Variants in ZNF385D observed in about 807,000 individuals in gnomAD.
The protein encoded by ZNF385D is zinc finger protein 385D.
A neutral mutation model predicts 35.8 loss-of-function variants in ZNF385D; 15 were observed. That is an observed-to-expected ratio of 0.42 (90% CI 0.28 to 0.64). The LOEUF is 0.64. Ranked by LOEUF, ZNF385D falls within the 30% of genes least tolerant of loss-of-function variation. The probability of loss-of-function intolerance (pLI) is 0.23; values close to 1 mark genes in which losing one functional copy is unlikely to be tolerated. For synonymous variants in ZNF385D, 212 were observed against 186.8 expected (o/e 1.13, Z -1.10); for missense variants, 474 against 494.6 (o/e 0.96, Z 0.39).
At chr3:21,764,528 A>T (rs2070747796) in intron 3 of ZNF385D, among the ~76,000 whole-genome samples, 1 of 152,190 alleles carries the variant, frequency 6.6e-6, no homozygotes. Context: ...TGCTGTCTAC[A>T]TGCCAGCCAA....
chr3:21,917,562 G>C (rs966082634), intron 3 of ZNF385D, among the ~76,000 whole-genome samples: 2 of 152,190 alleles, frequency 1.3e-5, no homozygotes, highest in Non-Finnish European at 2.9e-5. Flanking sequence ...GACATGAAAA[G>C]ATTGTTCTTT....
intron 3 of ZNF385D, among the ~76,000 whole-genome samples, chr3:21,820,987 A>T (rs929045750): frequency 6.6e-6 from 1 of 152,074 alleles, no homozygotes; most frequent in African/African-American, 2.4e-5. Context: ...GATTAAAAAA[A>T]TTAAAACCCT....
chr3:21,876,151 G>A (rs951970131), intron 3 of ZNF385D, among the ~76,000 whole-genome samples: 2 of 151,234 alleles, frequency 1.3e-5, no homozygotes, highest in Admixed American at 6.6e-5. Flanking sequence ...TCTTGTAAGT[G>A]TAAAGCAAGC....
intron 3 of ZNF385D, among the ~76,000 whole-genome samples, chr3:21,899,078 C>T (rs561517307): frequency 3.9e-5 from 6 of 152,136 alleles, no homozygotes; most frequent in Non-Finnish European, 7.4e-5. Context: ...TTTATTATTC[C>T]CCAGTTGGAC....
intron 2 of ZNF385D, among the ~76,000 whole-genome samples, chr3:22,271,526 C>T (rs894503829): frequency 4.6e-5 from 7 of 151,898 alleles, no homozygotes; most frequent in Non-Finnish European, 1.0e-4. Context: ...CCCATTTAAT[C>T]GGGCCTCAGC....
At chr3:22,078,078 C>T (rs961105362) in intron 3 of ZNF385D, among the ~76,000 whole-genome samples, 1 of 151,956 alleles carries the variant, frequency 6.6e-6, no homozygotes, top group Non-Finnish European at 1.5e-5. Flanking sequence ...TTGTGAGTAC[C>T]ATTTTAGTTT....
intron 3 of ZNF385D, among the ~76,000 whole-genome samples, chr3:22,015,392 A>C (rs1338881277): frequency 6.6e-6 from 1 of 152,148 alleles, no homozygotes; most frequent in East Asian, 1.9e-4. Flanking sequence ...CACCTAAGTC[A>C]ACTTGAAAGA....
chr3:22,187,273 A>G (rs193274759), intron 2 of ZNF385D, among the ~76,000 whole-genome samples: 1 of 152,212 alleles, frequency 6.6e-6, no homozygotes, highest in Admixed American at 6.6e-5. Context: ...ATCGAAGTCT[A>G]TTAAAATAAG....
At chr3:22,339,355 A>G (rs1051890143) in intron 2 of ZNF385D, among the ~76,000 whole-genome samples, 1 of 152,192 alleles carries the variant, frequency 6.6e-6, no homozygotes, top group African/African-American at 2.4e-5. Context: ...TTTGTGAACA[A>G]GGAAGGCCTG....
chr3:22,205,972 T>C (rs1697123639), intron 2 of ZNF385D, among the ~76,000 whole-genome samples: 1 of 151,866 alleles, frequency 6.6e-6, no homozygotes, highest in African/African-American at 2.4e-5. Flanking sequence ...TGGCTGATTG[T>C]ATTCAAAAAG....
chr3:22,017,188 A>G (rs1213837473), intron 3 of ZNF385D, among the ~76,000 whole-genome samples: 3 of 152,032 alleles, frequency 2.0e-5, no homozygotes, highest in Non-Finnish European at 4.4e-5. Flanking sequence ...ATTAAAACCC[A>G]TTTCTCTTCT....
chr3:22,369,268 T>A (rs1239799405), intron 2 of ZNF385D, among the ~76,000 whole-genome samples: 1 of 152,156 alleles, frequency 6.6e-6, no homozygotes, highest in African/African-American at 2.4e-5. Flanking sequence ...AATAAAATAT[T>A]AGTCCTATTG....
At chr3:21,508,563 T>C (rs1706959808) in intron 4 of ZNF385D, among the ~76,000 whole-genome samples, 1 of 152,180 alleles carries the variant, frequency 6.6e-6, no homozygotes, top group African/African-American at 2.4e-5. Flanking sequence ...TATTGTCCTG[T>C]ACCTAAGACT....
chr3:21,474,886 T>C (rs1014501992), intron 4 of ZNF385D, among the ~76,000 whole-genome samples: 3 of 152,112 alleles, frequency 2.0e-5, no homozygotes, highest in African/African-American at 7.2e-5. Context: ...CTTTATATTT[T>C]AATTAGGACT....
chr3:22,041,635 A>T (rs1338800274), intron 3 of ZNF385D, among the ~76,000 whole-genome samples: 2 of 152,180 alleles, frequency 1.3e-5, no homozygotes, highest in Non-Finnish European at 2.9e-5. Context: ...CTCAGACTGA[A>T]TTGATCAATG....
intron 3 of ZNF385D, among the ~76,000 whole-genome samples, chr3:22,110,762 C>T (rs1208280625): frequency 1.3e-5 from 2 of 149,280 alleles, no homozygotes; most frequent in Non-Finnish European, 3.0e-5. Context: ...CCGTTGTGAA[C>T]ATGTACCCTA....
Position 22,331,457 on chromosome 3 carries a change from A to G in ZNF385D, c.106+40993T>C, listed in dbSNP as rs191886030. ...TTTGAATATTTACTTTAATAGCTAT[A>G]TATGACCATAACATTAATGAAAACT... is the stretch of plus-strand genomic sequence containing the variant. On this transcript the variant is annotated intron_variant, in intron 2 of 5. Coordinates refer to the ZNF385D transcript ENST00000494108. Among the ~76,000 whole-genome samples, 277 of 152,314 alleles carry G rather than the reference A, an allele frequency of 1.8e-3. 7 individuals carry two copies. The South Asian group carries it at 0.029, about 16-fold the overall frequency.
chr3:22,148,228 A>T (rs1576402975), intron 3 of ZNF385D, among the ~76,000 whole-genome samples: 1 of 152,176 alleles, frequency 6.6e-6, no homozygotes, highest in African/African-American at 2.4e-5. Flanking sequence ...GTCAAATCCA[A>T]TTAAGTACCA....
chr3:21,614,690 G>A (rs377532213), intron 2 of ZNF385D, among the ~76,000 whole-genome samples: 4 of 152,186 alleles, frequency 2.6e-5, no homozygotes, highest in African/African-American at 9.6e-5. Flanking sequence ...CCAGGTTCAA[G>A]CAATTCTCCT....
Sources: allele counts gnomAD v4.1 joint callset (sites outside exome capture counted in the v4.1 genomes callset), GRCh38; gene constraint gnomAD v4.1.1; transcripts MANE v1.5; gene names NCBI Gene and HGNC (gene_info 2026-07-23, HGNC 2026-07-21).